CRAMP1: variants seen among roughly 807,000 people sequenced by gnomAD.
CRAMP1 encodes the protein cramped chromatin regulator 1.
CRAMP1 carries 50 observed loss-of-function variants against 115.4 expected under a neutral mutation model. The observed-to-expected ratio is 0.43, with a 90% CI of 0.35 to 0.55. The LOEUF (loss-of-function observed/expected upper bound fraction) is 0.55, where lower values mean the gene tolerates loss of function less well. Ranked by LOEUF, CRAMP1 falls within the 20% of genes least tolerant of loss-of-function variation. CRAMP1 has a pLI of 0.01. For synonymous variants in CRAMP1, 866 were observed against 745.4 expected, an observed-to-expected ratio of 1.16 and a Z score of -2.64; for missense variants, 1,679 against 1,721.7, an observed-to-expected ratio of 0.98 and a Z score of 0.44.
chr16:1,641,539 C>T (rs1305456660), intron 6 of CRAMP1, among the ~76,000 whole-genome samples: 2 of 152,206 alleles, frequency 1.3e-5, no homozygotes, highest in East Asian at 3.8e-4. Flanking sequence ...TCTAGGGCCT[C>T]TCCTTTCCAT....
intron 13 of CRAMP1, among the ~76,000 whole-genome samples, chr16:1,663,872 A>G (rs1412127754): frequency 6.6e-6 from 1 of 152,220 alleles, no homozygotes; most frequent in African/African-American, 2.4e-5. Flanking sequence ...TTACTGGCAC[A>G]CAGCCGTGAT....
In CRAMP1 at chr16:1,656,293, T is replaced by G. The variant is rs747936661; in HGVS notation, c.1536T>G (p.Pro512=). 14 of 1,611,788 alleles carry G rather than the reference T, an allele frequency of 8.7e-6. No individual in the cohort carries two copies. Among genetic ancestry groups the G allele is most frequent in the Non-Finnish European group, 1.1e-5 (13 of 1,179,628 alleles). ...GCAGCCCGGACGCTCCTGACAGGCC[T>G]CCTCCCAGGCACCAGGACACTGGGC... ...SLSSPDAPDR[P]PPRHQDTGPC... is the part of the protein sequence containing the mutation. The change falls in exon 10 of 21, where the codon CCT becomes CCG. Residue 512 remains proline (P), a synonymous_variant. Transcript: ENST00000397412. The surrounding 1 kb of genome is among the most constrained non-coding windows in gnomAD (Gnocchi z 5.6).
chr16:1,623,487 G>A (rs1458499008), intron 2 of CRAMP1, among the ~76,000 whole-genome samples: 1 of 152,228 alleles, frequency 6.6e-6, no homozygotes, highest in African/African-American at 2.4e-5. Context: ...TGGAATTTTA[G>A]GAAATTTATG....
chr16:1,637,740 G>A (rs9941003), intron 4 of CRAMP1, 84 bp from the exon 5 acceptor site: 42,350 of 571,872 alleles, frequency 0.074, 1,639 homozygotes, highest in Middle Eastern at 0.11. Context: ...AAGAAACCAC[G>A]TGAGCCTGGT....
At position 1,671,948 on chromosome 16, in the gene CRAMP1, C is replaced by G. The variant is rs1207724536; in HGVS notation, c.3645+1139C>G. The stretch of plus-strand genomic sequence containing the variant: ...TCACAGTGTGTGGCGTTTCTCAAAC[C>G]TGTTTGGCCCCAGAATCATTATTCA... On this transcript the variant is annotated intron_variant, in intron 20 of 20. Transcript: ENST00000397412. The surrounding 1 kb of genome is among the most constrained non-coding windows in gnomAD (Gnocchi z 5.0). Among the ~76,000 whole-genome samples the G allele has an allele frequency of 6.6e-6, 1 of 152,234 alleles. No homozygotes were observed. Among genetic ancestry groups the G allele is most frequent in the African/African-American group, 2.4e-5 (1 of 41,458 alleles).
At chr16:1,632,635 G>T (rs192422933) in intron 4 of CRAMP1, among the ~76,000 whole-genome samples, 4 of 152,376 alleles carry the variant, frequency 2.6e-5, no homozygotes, top group Admixed American at 1.3e-4. Flanking sequence ...CAGTGGCTCT[G>T]AGTGTGCGTG....
Position 1,670,733 on chromosome 16 carries a change from C to T in CRAMP1, c.3569C>T (p.Ser1190Phe). 6.2e-7 allele frequency: 1 copy of T among 1,614,032 alleles called. No homozygotes were observed. Among genetic ancestry groups the T allele is most frequent in the Non-Finnish European group, 8.5e-7 (1 of 1,179,896 alleles). The change falls in exon 20 of 21, where the codon TCC (serine) becomes TTC (phenylalanine). Residue 1190 changes from serine (S) to phenylalanine (F), a missense_variant. This residue lies in a region of CRAMP1 where 709 missense variants were observed against 741.9 expected (regional missense o/e 0.96). Coordinates refer to ENST00000397412, the MANE Select transcript of CRAMP1 (RefSeq NM_020825.4). The part of the protein sequence containing the change: ...PTPIGTNSGT[S>F]LLGPSLLDGN... ...CCCATTGGGACCAACAGTGGCACTT[C>T]CTTGCTTGGCCCCAGCTTGTTGGAT...
At chr16:1,646,627 A>G (rs2036676521) in intron 6 of CRAMP1, among the ~76,000 whole-genome samples, 1 of 152,130 alleles carries the variant, frequency 6.6e-6, no homozygotes, top group South Asian at 2.1e-4. Flanking sequence ...CTTTTTGTTC[A>G]CTTACTGTCC....
rs1012971636 is a variant in CRAMP1, at chr16:1,665,291, G to A, written c.2752+153G>A. 5.3e-5 allele frequency among the ~76,000 whole-genome samples: 8 copies of A among 152,140 alleles called. 1 individual carries two copies. The highest frequency in any genetic ancestry group is 7.3e-5 in the Non-Finnish European group (5 of 68,032). On this transcript the variant is annotated intron_variant, in intron 14 of 20. Transcript: ENST00000397412. Reference sequence around the variant, plus strand: ...AATACCTAATGTGCCCTATGTGCTGGGCTGCAGGCTGCGGTGGCGGGCGAG... The same window carrying A: ...AATACCTAATGTGCCCTATGTGCTGAGCTGCAGGCTGCGGTGGCGGGCGAG...
At position 1,614,654 on chromosome 16, in the gene CRAMP1, G is replaced by C. The variant is rs1795919470; in HGVS notation, c.15G>C (p.Leu5Phe). Reference protein sequence around the residue: MTVKLGDGGSGEDGL... With the variant: MTVKFGDGGSGEDGL... ...CCGGCCGCAGGATGACAGTGAAGTT[G>C]GGCGACGGCGGCAGCGGGGAGGACG... Residue 5 changes from leucine to phenylalanine, a missense_variant, in exon 2 of 21, where the codon TTG (leucine) becomes TTC (phenylalanine). Leu to Phe is a conservative substitution (Grantham distance 22, BLOSUM62 0). Coordinates refer to ENST00000397412, the MANE Select transcript of CRAMP1 (RefSeq NM_020825.4). The surrounding 1 kb of genome is among the most constrained non-coding windows in gnomAD (Gnocchi z 4.4). 7.8e-7 allele frequency: 1 copy of C among 1,281,010 alleles called. No individual in the cohort carries two copies. The highest frequency in any genetic ancestry group is 3.8e-5 in the Admixed American group (1 of 26,196). The allele number at this position is 1,281,010 out of a possible 1,614,324, so 79.4% of individuals were successfully genotyped here. A position where few individuals can be genotyped will look rare whatever the true frequency, so the allele number is the denominator to read the frequency against.
In CRAMP1 at chr16:1,656,514, G is replaced by A. The variant is rs2036776102; in HGVS notation, c.1757G>A (p.Ser586Asn). Residue 586 changes from serine (S) to asparagine (N), a missense_variant, in exon 10 of 21, where the codon AGC (serine) becomes AAC (asparagine). Coordinates refer to ENST00000397412, the MANE Select transcript of CRAMP1 (RefSeq NM_020825.4). This position sits in a 1 kb window ranked among gnomAD's most constrained non-coding sequence, Gnocchi z 5.6. ...QCRCADTRPG[S>N]EQPPLGGAAS... Reference sequence around the variant, plus strand: ...CGCTGTGCGGACACACGGCCTGGGAGCGAGCAGCCCCCTCTGGGCGGGGCG... The same window carrying A: ...CGCTGTGCGGACACACGGCCTGGGAACGAGCAGCCCCCTCTGGGCGGGGCG... 1.3e-6 allele frequency: 2 copies of A among 1,564,736 alleles called. No individual in the cohort carries two copies. Among genetic ancestry groups the A allele is most frequent in the Non-Finnish European group, 1.7e-6 (2 of 1,155,446 alleles).
intron 6 of CRAMP1, among the ~76,000 whole-genome samples, chr16:1,644,092 T>A (rs932368431): frequency 2.6e-5 from 4 of 152,112 alleles, no homozygotes; most frequent in African/African-American, 9.7e-5. Context: ...AGCCAAGGAT[T>A]TTGGCAAATG....
chr16:1,614,512 G>T lies in CRAMP1; in HGVS notation c.-1-127G>T. 2 of 415,596 alleles carry T rather than the reference G, an allele frequency of 4.8e-6. No homozygotes were observed. Among genetic ancestry groups the T allele is most frequent in the South Asian group, 1.0e-4 (1 of 9,882 alleles). 25.7% of individuals were successfully genotyped at this position (415,596 alleles called of 1,614,324 possible). A position where few individuals can be genotyped will look rare whatever the true frequency, so the allele number is the denominator to read the frequency against. Reference sequence around the variant, plus strand: ...CGGCGGGCTCGGGCGGGCTCGGGCGGGCCGGGCCGAGCCGCCGAGAGGGGA... The same window carrying T: ...CGGCGGGCTCGGGCGGGCTCGGGCGTGCCGGGCCGAGCCGCCGAGAGGGGA... On this transcript the variant is annotated intron_variant, in intron 1 of 20. Transcript: ENST00000397412. This position sits in a 1 kb window ranked among gnomAD's most constrained non-coding sequence, Gnocchi z 4.4.
Position 1,626,157 on chromosome 16 carries a change from G to A in CRAMP1, c.531G>A (p.Gly177=). The A allele has an allele frequency of 6.6e-7, 1 of 1,514,392 alleles. No individual in the cohort carries two copies. 93.8% of individuals were successfully genotyped at this position (1,514,392 alleles called of 1,614,324 possible). ...AGGACAAGAACACCTTCTTCGAGGGGCTGTACGAGGTGAGTAGGCTGTGGA... is the reference window on the plus strand; with the variant it reads ...AGGACAAGAACACCTTCTTCGAGGGACTGTACGAGGTGAGTAGGCTGTGGA... The part of the protein sequence containing the change: ...STEDKNTFFE[G]LYEHGKDFEA... The change falls in exon 3 of 21, where the codon GGG becomes GGA. Residue 177 remains glycine (G), a synonymous_variant. Coordinates refer to ENST00000397412, the MANE Select transcript of CRAMP1 (RefSeq NM_020825.4).
intron 3 of CRAMP1, among the ~76,000 whole-genome samples, chr16:1,626,676 C>T (rs1022960051): frequency 2.6e-5 from 4 of 152,148 alleles, no homozygotes; most frequent in Non-Finnish European, 4.4e-5. Context: ...AGTGAATGCC[C>T]GTGCTCCCTG....
rs2036968390 is a variant in CRAMP1, at chr16:1,676,407, T to C, written c.*2362T>C. On this transcript the variant is annotated 3_prime_UTR_variant, in exon 21 of 21. Coordinates refer to ENST00000397412, the MANE Select transcript of CRAMP1 (RefSeq NM_020825.4). ...ATTTGCTTGCCACATTAAGGGAAAA[T>C]GGTGTCATTTGTTGCAGAAAAACAA... is the stretch of plus-strand genomic sequence containing the variant. 1 of 152,178 alleles carries C rather than the reference T, an allele frequency of 6.6e-6. No individual in the cohort carries two copies. Among genetic ancestry groups the C allele is most frequent in the Admixed American group, 6.5e-5 (1 of 15,282 alleles). 9.4% of individuals were successfully genotyped at this position (152,178 alleles called of 1,614,324 possible).
chr16:1,639,482 G>A (rs1019307414), intron 5 of CRAMP1, among the ~76,000 whole-genome samples: 1 of 151,738 alleles, frequency 6.6e-6, no homozygotes, highest in Admixed American at 6.6e-5. Flanking sequence ...AGACTGAAGT[G>A]AGGTTACAAA....
At chr16:1,640,473 GTT>G in intron 5 of CRAMP1, among the ~76,000 whole-genome samples, 1 of 152,234 alleles carries the variant, frequency 6.6e-6, no homozygotes, top group Middle Eastern at 3.4e-3. Flanking sequence ...CGTTTGTGGA[GTT>G]TTTTTCCCTA....
chr16:1,621,859 T>C (rs149308026), intron 2 of CRAMP1, among the ~76,000 whole-genome samples: 1,747 of 152,316 alleles, frequency 0.011, 33 homozygotes, highest in Non-Finnish European at 0.014. Context: ...GCTTTGGCCT[T>C]CTGCTTTTCG....
Sources: allele counts gnomAD v4.1 joint callset (sites outside exome capture counted in the v4.1 genomes callset), GRCh38; gene constraint gnomAD v4.1.1; regional missense constraint gnomAD v4.1.1; non-coding constraint Gnocchi (gnomAD v3.1); transcripts MANE v1.5; gene names NCBI Gene and HGNC (gene_info 2026-07-23, HGNC 2026-07-21).